Variants in NAA20 observed in about 807,000 individuals in gnomAD.
The protein encoded by NAA20 is N-alpha-acetyltransferase 20.
A neutral mutation model predicts 23.8 loss-of-function variants in NAA20; 24 were observed. The observed-to-expected ratio is 1.01, with a 90% CI of 0.73 to 1.42. The LOEUF (loss-of-function observed/expected upper bound fraction) is 1.42. Ranked by LOEUF, NAA20 falls within the 40% of genes most tolerant of loss-of-function variation. The pLI is 0.00. For synonymous variants in NAA20, 83 were observed against 77.7 expected, an observed-to-expected ratio of 1.07 and a Z score of -0.36; for missense variants, 166 against 223.1, an observed-to-expected ratio of 0.74 and a Z score of 1.63.
chr20:20,017,395 C>G lies in NAA20; in HGVS notation c.-2C>G, dbSNP rs1404876800. The G allele has an allele frequency of 2.5e-6, 4 of 1,611,380 alleles. No individual in the cohort carries two copies. Among genetic ancestry groups the G allele is most frequent in the South Asian group, 2.2e-5 (2 of 90,940 alleles). Reference sequence around the variant, plus strand: ...ACGGTCTTCGGAAGCGGCGGCGGCGCGATGACCACGCTACGGGCCTTTACC... The same window carrying G: ...ACGGTCTTCGGAAGCGGCGGCGGCGGGATGACCACGCTACGGGCCTTTACC... On this transcript the variant is annotated 5_prime_UTR_variant, in exon 1 of 6. Transcript: ENST00000334982.
At chr20:20,024,586 G>A (rs954553359) in intron 2 of NAA20, among the ~76,000 whole-genome samples, 1 of 152,158 alleles carries the variant, frequency 6.6e-6, no homozygotes, top group Non-Finnish European at 1.5e-5. Context: ...CGTTTATATG[G>A]TGTGCTTCCA....
upstream of NAA20, chr20:20,017,336 G>C (rs1396168564): frequency 3.7e-6 from 6 of 1,602,964 alleles, no homozygotes; most frequent in Non-Finnish European, 5.1e-6. Flanking sequence ...CGCTCCGGGA[G>C]ACTTCCGGCA....
chr20:20,032,463 G>A (rs1476747175), intron 4 of NAA20, 45 bp from the exon 5 acceptor site: 10 of 1,589,328 alleles, frequency 6.3e-6, no homozygotes, highest in Non-Finnish European at 8.6e-6. Flanking sequence ...ACTTTCTAGG[G>A]TTTCTCACAT....
At position 20,017,506 on chromosome 20, in the gene NAA20, C is replaced by G. The variant is rs1035869012; in HGVS notation, c.53+57C>G. ...TTGGCCGGGCCTCGCTTCCCGGCCC[C>G]GCCAGCTCCGGCCCCAGCCGCGCCT... On this transcript the variant is annotated intron_variant, in intron 1 of 5. Coordinates refer to ENST00000334982, the MANE Select transcript of NAA20 (RefSeq NM_016100.5). The G allele has an allele frequency of 3.0e-4, 469 of 1,561,108 alleles. 2 individuals are homozygous for G. Among genetic ancestry groups the G allele is most frequent in the Non-Finnish European group, 6.1e-5 (70 of 1,154,754 alleles).
chr20:20,024,031 C>A (rs1601126424), intron 2 of NAA20, among the ~76,000 whole-genome samples: 1 of 152,180 alleles, frequency 6.6e-6, no homozygotes, highest in Non-Finnish European at 1.5e-5. Flanking sequence ...TATTGGGACA[C>A]CACGCTGATT....
chr20:20,022,342 T>C, intron 1 of NAA20, 114 bp from the exon 2 acceptor site: 1 of 1,069,770 alleles, frequency 9.3e-7, no homozygotes, highest in Non-Finnish European at 1.4e-6. Flanking sequence ...TTAAAGTTGT[T>C]GATGAAACAT....
At chr20:20,019,889 A>AT (rs1440871465) in intron 1 of NAA20, among the ~76,000 whole-genome samples, 4 of 152,262 alleles carry the variant, frequency 2.6e-5, no homozygotes, top group East Asian at 3.9e-4. Flanking sequence ...CCTGGTTCCC[A>AT]TTTTTTTGTA....
At position 20,028,566 on chromosome 20, in the gene NAA20, C is replaced by CT. The variant is rs544542871; in HGVS notation, c.305+1648dup. Among the ~76,000 whole-genome samples, 5 of 152,296 alleles carry CT rather than the reference C, an allele frequency of 3.3e-5. No homozygotes were observed. In the South Asian group the frequency reaches 1.0e-3, roughly 32 times the overall value. On this transcript the variant is annotated intron_variant, in intron 4 of 5. Transcript: ENST00000334982. ...GGTATTTGTATGATAGATTCTCCCT[C>CT]TGAGTAGAAGACCACTAAGCTCTCT...
chr20:20,032,414 CAAGGTAA>C, intron 4 of NAA20, 87 bp from the exon 5 acceptor site: 1 of 1,268,816 alleles, frequency 7.9e-7, no homozygotes, highest in Non-Finnish European at 1.1e-6. Context: ...GTAGTCAAAG[CAAGGTAA>C]AAACACGTTT....
chr20:20,029,881 T>TTTTTG (rs144371833), intron 4 of NAA20, among the ~76,000 whole-genome samples: 9,264 of 151,930 alleles, frequency 0.061, 336 homozygotes, highest in East Asian at 0.11. Context: ...GTTACATAGT[T>TTTTTG]TTTTGTTTTG....
chr20:20,025,571 G>A, intron 2 of NAA20, 106 bp from the exon 3 acceptor site: 2 of 771,252 alleles, frequency 2.6e-6, no homozygotes, highest in East Asian at 2.4e-5. Context: ...ACAGAGCTGG[G>A]GATAAAGTAA....
chr20:20,017,565 G>A, intron 1 of NAA20, 116 bp downstream of exon 1: 1 of 1,391,552 alleles, frequency 7.2e-7, no homozygotes, highest in African/African-American at 1.5e-5. Flanking sequence ...ACGGGGACCC[G>A]CGAGAACCAC....
Position 20,019,562 on chromosome 20 carries a change from G to A in NAA20, c.53+2113G>A, listed in dbSNP as rs113427653. On this transcript the variant is annotated intron_variant, in intron 1 of 5. Coordinates refer to ENST00000334982, the MANE Select transcript of NAA20 (RefSeq NM_016100.5). Reference sequence around the variant, plus strand: ...CATGTGGCCTCTTCAGAAGGTGCCAGTAGGGGAACTCCACTTATTCCCCAT... The same window carrying A: ...CATGTGGCCTCTTCAGAAGGTGCCAATAGGGGAACTCCACTTATTCCCCAT... 8.9e-3 allele frequency among the ~76,000 whole-genome samples: 1,353 copies of A among 152,340 alleles called. 17 individuals carry two copies. Among genetic ancestry groups the A allele is most frequent in the African/African-American group, 0.031 (1,289 of 41,582 alleles).
At position 20,027,028 on chromosome 20, in the gene NAA20, T is replaced by G. The variant is rs2043311333; in HGVS notation, c.305+109T>G. Reference sequence around the variant, plus strand: ...CTTTACAGTTCACAGGAATTTCATCTTCCATCTCCAGTAGTCCTTAGAACA... The same window carrying G: ...CTTTACAGTTCACAGGAATTTCATCGTCCATCTCCAGTAGTCCTTAGAACA... On this transcript the variant is annotated intron_variant, in intron 4 of 5. Transcript: ENST00000334982. The G allele has an allele frequency of 2.2e-6, 3 of 1,384,888 alleles. No individual in the cohort carries two copies. The East Asian group carries it at 6.9e-5, about 32-fold the overall frequency. 85.8% of individuals were successfully genotyped at this position (1,384,888 alleles called of 1,614,324 possible).
At chr20:20,018,987 T>C in intron 1 of NAA20, 1 of 959,774 alleles carries the variant, frequency 1.0e-6, no homozygotes, top group Non-Finnish European at 1.2e-6. Context: ...CCGTTTGCGA[T>C]CCACTGCTCT....
chr20:20,023,249 C>T (rs1378520906), intron 2 of NAA20, among the ~76,000 whole-genome samples: 1 of 149,924 alleles, frequency 6.7e-6, no homozygotes. Flanking sequence ...GCCGAGGTTG[C>T]AGTGAGCCGA....
chr20:20,021,016 C>T (rs1439029202), intron 1 of NAA20, among the ~76,000 whole-genome samples: 1 of 91,636 alleles, frequency 1.1e-5, no homozygotes, highest in Non-Finnish European at 2.0e-5. Context: ...GTGCAGATGC[C>T]TGTGTGCGTG....
At chr20:20,021,149 C>G (rs1465746275) in intron 1 of NAA20, among the ~76,000 whole-genome samples, 1 of 151,298 alleles carries the variant, frequency 6.6e-6, no homozygotes, top group African/African-American at 2.4e-5. Flanking sequence ...GGTGGGCAGA[C>G]AAGAGGAGAT....
In NAA20 at chr20:20,033,579, T is replaced by C. The variant is rs1195691672; in HGVS notation, c.*392T>C. On this transcript the variant is annotated 3_prime_UTR_variant, in exon 6 of 6. Transcript: ENST00000334982. ...ACTGTTAATTGAAGCTTTAAAAGCA[T>C]ATATGAAATGTATAAATCTAAGATG... 2 of 160,638 alleles carry C rather than the reference T, an allele frequency of 1.2e-5. No individual in the cohort carries two copies. The highest frequency in any genetic ancestry group is 4.8e-5 in the African/African-American group (2 of 41,654). 10.0% of individuals were successfully genotyped at this position (160,638 alleles called of 1,614,324 possible). A position where few individuals can be genotyped will look rare whatever the true frequency, so the allele number is the denominator to read the frequency against.
Sources: gnomAD v4.1 joint callset for allele counts (sites outside exome capture counted in the v4.1 genomes callset) on GRCh38, gnomAD v4.1.1 for gene constraint, MANE v1.5 for transcripts, NCBI Gene and HGNC (gene_info 2026-07-23, HGNC 2026-07-21) for gene names.